KIAA0040: variants seen among roughly 807,000 people sequenced by gnomAD.
KIAA0040 encodes the protein KIAA0040, also known as uncharacterized protein KIAA0040.
In KIAA0040, 10 loss-of-function variants were observed where a neutral mutation model predicts 7.2. That is an observed-to-expected ratio of 1.38 (90% CI 0.85 to 2.34). The LOEUF is 2.34. Among genes scored for constraint, KIAA0040 ranks in the 30% most tolerant of loss-of-function variants. The pLI is 0.00. For missense variants in KIAA0040, 89 were observed against 108.2 expected, an observed-to-expected ratio of 0.82 and a Z score of 0.79; for synonymous variants, 49 against 40.1, an observed-to-expected ratio of 1.22 and a Z score of -0.84.
chr1:175,183,564 A>G (rs975460071), intron 1 of KIAA0040, among the ~76,000 whole-genome samples: 4 of 152,210 alleles, frequency 2.6e-5, no homozygotes, highest in African/African-American at 9.6e-5. Flanking sequence ...AAGGCCTTGC[A>G]ATGGGCTGAG....
intron 1 of KIAA0040, among the ~76,000 whole-genome samples, chr1:175,184,790 T>TA (rs1379713177): frequency 6.6e-6 from 1 of 152,216 alleles, no homozygotes; most frequent in East Asian, 1.9e-4. Context: ...TTGAAAAGTC[T>TA]ACAGCCTAGG....
intron 3 of KIAA0040, among the ~76,000 whole-genome samples, chr1:175,164,767 C>A (rs1291971801): frequency 2.6e-5 from 4 of 152,146 alleles, no homozygotes; most frequent in Non-Finnish European, 5.9e-5. Flanking sequence ...AGGTTACTTG[C>A]TGAGCTCTGC....
At chr1:175,171,231 C>T (rs1347481878) in intron 2 of KIAA0040, among the ~76,000 whole-genome samples, 3 of 152,162 alleles carry the variant, frequency 2.0e-5, no homozygotes, top group Non-Finnish European at 4.4e-5. Flanking sequence ...ACCATCCTGC[C>T]CTACTGGCTT....
chr1:175,163,765 A>G (rs1676643077), intron 3 of KIAA0040, among the ~76,000 whole-genome samples: 1 of 152,160 alleles, frequency 6.6e-6, no homozygotes, highest in African/African-American at 2.4e-5. Flanking sequence ...GTTAGATAAC[A>G]CCACCACCAC....
At chr1:175,164,253 C>T (rs1025807521) in intron 3 of KIAA0040, among the ~76,000 whole-genome samples, 4 of 152,148 alleles carry the variant, frequency 2.6e-5, no homozygotes, top group African/African-American at 7.2e-5. Flanking sequence ...TCTCCTTATC[C>T]GTTTATCAAA....
At chr1:175,174,512 C>T (rs187471072) in intron 2 of KIAA0040, among the ~76,000 whole-genome samples, 1 of 152,284 alleles carries the variant, frequency 6.6e-6, no homozygotes, top group East Asian at 1.9e-4. Flanking sequence ...TATTACTCAT[C>T]CTGGATATCT....
Position 175,188,312 on chromosome 1 carries a change from T to C in KIAA0040, c.-384+4328A>G, listed in dbSNP as rs1029298405. Among the ~76,000 whole-genome samples, 4 of 152,178 alleles carry C rather than the reference T, an allele frequency of 2.6e-5. No individual in the cohort carries two copies. In the South Asian group the frequency reaches 8.3e-4, roughly 31 times the overall value. On this transcript the variant is annotated intron_variant, in intron 1 of 3. Coordinates refer to ENST00000423313, the MANE Select transcript of KIAA0040 (RefSeq NM_014656.3). ...AATGTCCACTCATGTCCCCAGATGATGCTCTGTTCAGATGGCTCAGACTGA... is the reference window on the plus strand; with the variant it reads ...AATGTCCACTCATGTCCCCAGATGACGCTCTGTTCAGATGGCTCAGACTGA...
At chr1:175,178,087 T>C (rs920414258) in intron 1 of KIAA0040, among the ~76,000 whole-genome samples, 3 of 152,240 alleles carry the variant, frequency 2.0e-5, no homozygotes, top group Non-Finnish European at 2.9e-5. Flanking sequence ...AATGGCTGGA[T>C]GGAGACCACT....
rs1243712096 is a variant in KIAA0040, at chr1:175,159,950, T to A, written c.*764A>T. 1.3e-5 allele frequency: 2 copies of A among 153,166 alleles called. No individual in the cohort carries two copies. Among genetic ancestry groups the A allele is most frequent in the African/African-American group, 4.8e-5 (2 of 41,396 alleles). The allele number at this position is 153,166 out of a possible 1,614,324, so 9.5% of individuals were successfully genotyped here. ...CAATGAGGACGGACTTTGTCATGAG[T>A]TACAAGAAAAGAGCTTTCAATGAAT... On this transcript the variant is annotated 3_prime_UTR_variant, in exon 4 of 4. Transcript: ENST00000423313.
At chr1:175,183,162 C>T (rs1303167367) in intron 1 of KIAA0040, among the ~76,000 whole-genome samples, 1 of 152,228 alleles carries the variant, frequency 6.6e-6, no homozygotes, top group African/African-American at 2.4e-5. Flanking sequence ...TACCACCTCA[C>T]CTCCCTGACA....
At chr1:175,191,878 T>C (rs1677881384) in intron 1 of KIAA0040, among the ~76,000 whole-genome samples, 1 of 152,252 alleles carries the variant, frequency 6.6e-6, no homozygotes, top group Admixed American at 6.5e-5. Context: ...GCATGCTGGC[T>C]GCCGGTGTTC....
At chr1:175,178,020 CT>C (rs1677273974) in intron 1 of KIAA0040, among the ~76,000 whole-genome samples, 2 of 152,186 alleles carry the variant, frequency 1.3e-5, no homozygotes, top group Admixed American at 1.3e-4. Flanking sequence ...TCAAAGTGGC[CT>C]GAAATTCTTG....
chr1:175,173,541 A>T (rs1677067973), intron 2 of KIAA0040, among the ~76,000 whole-genome samples: 1 of 152,208 alleles, frequency 6.6e-6, no homozygotes, highest in Admixed American at 6.5e-5. Context: ...GCGCAGAAAG[A>T]CGTTTGACTC....
chr1:175,192,957 C>T (rs2101920643), upstream of KIAA0040: 1 of 152,374 alleles, frequency 6.6e-6, no homozygotes, highest in Middle Eastern at 3.4e-3. Context: ...CTGTCCTGCC[C>T]CTGATGTCAC....
At chr1:175,175,820 G>A (rs1390183225) in intron 2 of KIAA0040, among the ~76,000 whole-genome samples, 1 of 151,806 alleles carries the variant, frequency 6.6e-6, no homozygotes, top group African/African-American at 2.4e-5. Flanking sequence ...GGTGGGAATT[G>A]AACAATGAGA....
intron 1 of KIAA0040, among the ~76,000 whole-genome samples, chr1:175,187,105 G>T (rs538597165): frequency 1.3e-5 from 2 of 152,316 alleles, no homozygotes; most frequent in South Asian, 4.1e-4. Context: ...TGCAGGACTG[G>T]CCTTAAGAGT....
At chr1:175,169,955 T>C (rs918880829) in intron 2 of KIAA0040, among the ~76,000 whole-genome samples, 5 of 152,104 alleles carry the variant, frequency 3.3e-5, no homozygotes, top group Non-Finnish European at 7.4e-5. Context: ...CCTGGCACCA[T>C]GGGTATAGTC....
At chr1:175,187,828 T>C (rs1487762505) in intron 1 of KIAA0040, among the ~76,000 whole-genome samples, 1 of 152,148 alleles carries the variant, frequency 6.6e-6, no homozygotes, top group Non-Finnish European at 1.5e-5. Context: ...CACATGCGAC[T>C]ATCCTTATTG....
rs1571177055 is a variant in KIAA0040 at position 175,157,835 on chromosome 1, C to T, written c.*2879G>A. ...ATGTCTTTCTCGAGCCTGTGCTGGT[C>T]TAGGAAGCCTCTTCTTTAGGAATCA... On this transcript the variant is annotated 3_prime_UTR_variant, in exon 4 of 4. Coordinates refer to ENST00000423313, the MANE Select transcript of KIAA0040 (RefSeq NM_014656.3). The T allele has an allele frequency of 6.6e-6, 1 of 152,274 alleles. No individual in the cohort carries two copies. Among genetic ancestry groups the T allele is most frequent in the South Asian group, 2.1e-4 (1 of 4,832 alleles). 9.4% of individuals were successfully genotyped at this position (152,274 alleles called of 1,614,324 possible).
Sources: gnomAD v4.1 joint callset for allele counts (sites outside exome capture counted in the v4.1 genomes callset) on GRCh38, gnomAD v4.1.1 for gene constraint, MANE v1.5 for transcripts, NCBI Gene and HGNC (gene_info 2026-07-23, HGNC 2026-07-21) for gene names.